INTS6: variants seen among roughly 807,000 people sequenced by gnomAD.
INTS6 encodes integrator complex subunit 6, also known as DEAD box protein.
A neutral mutation model predicts 104.9 loss-of-function variants in INTS6; 16 were observed. The ratio of observed to expected loss-of-function variants is 0.15; its 90% CI spans 0.10 to 0.23. INTS6 has a LOEUF of 0.23. INTS6 is among the 10% of genes least tolerant of loss of function. The probability of loss-of-function intolerance (pLI) is 1.00; values close to 1 mark genes in which losing one functional copy is unlikely to be tolerated. For synonymous variants in INTS6, 324 were observed against 358.7 expected (o/e 0.90, Z 1.09); for missense variants, 584 against 1,062.8 (o/e 0.55, Z 6.26).
chr13:51,369,147 A>T lies in INTS6; in HGVS notation c.2268T>A (p.Gly756=), dbSNP rs756059898. 6.2e-7 allele frequency: 1 copy of T among 1,613,844 alleles called. No individual in the cohort carries two copies. Among genetic ancestry groups the T allele is most frequent in the South Asian group, 1.1e-5 (1 of 91,074 alleles). The change falls in exon 16 of 18, where the codon GGT becomes GGA. Residue 756 remains glycine (G), a synonymous_variant. Transcript: ENST00000311234. ...GGTCATTGGTTCCTAAATGGTCATG[A>T]CCAAGAGCCTCCATATGATTGGTTG... ...ERPTNHMEAL[G]HDHLGTNDLT...
At chr13:51,423,982 A>G (rs565091748) in intron 4 of INTS6, among the ~76,000 whole-genome samples, 2 of 152,202 alleles carry the variant, frequency 1.3e-5, no homozygotes, top group South Asian at 4.1e-4. Context: ...AATTTCCAGA[A>G]TAAGAACAAA....
chr13:51,378,341 A>G lies in INTS6; in HGVS notation c.1500T>C (p.Asp500=). 6.2e-7 allele frequency: 1 copy of G among 1,613,498 alleles called. No individual in the cohort carries two copies. The highest frequency in any genetic ancestry group is 8.5e-7 in the Non-Finnish European group (1 of 1,179,510). The change falls in exon 12 of 18, where the codon GAT becomes GAC. Residue 500 remains aspartate (D), a synonymous_variant. Transcript: ENST00000311234. ...SHGLSMAYRK[D]FQQLLQGISE... ...AAATTCCCTGGAGGAGTTGTTGAAAATCTTTCCTATATGCCATTGATAAAC... is the reference window on the plus strand; with the variant it reads ...AAATTCCCTGGAGGAGTTGTTGAAAGTCTTTCCTATATGCCATTGATAAAC...
At position 51,363,749 on chromosome 13, in the gene INTS6, C is replaced by G. The variant is rs1490435990; in HGVS notation, c.*2003G>C. ...ACCTTTAGTTCTGATAGGTTTCAAA[C>G]CCTCCTGACCAGGTTTTAGGATGAG... is the stretch of plus-strand genomic sequence containing the variant. On this transcript the variant is annotated 3_prime_UTR_variant, in exon 18 of 18. Transcript: ENST00000311234. 6.6e-6 allele frequency: 1 copy of G among 151,750 alleles called. No homozygotes were observed. The highest frequency in any genetic ancestry group is 2.4e-5 in the African/African-American group (1 of 41,320). The allele number at this position is 151,750 out of a possible 1,614,324, so 9.4% of individuals were successfully genotyped here.
intron 4 of INTS6, among the ~76,000 whole-genome samples, chr13:51,415,714 G>A (rs1343834189): frequency 2.0e-5 from 3 of 152,056 alleles, no homozygotes; most frequent in African/African-American, 7.2e-5. Context: ...TGAAAATGGA[G>A]TAGTAGAGTA....
chr13:51,374,741 C>G lies in INTS6; in HGVS notation c.1785G>C (p.Lys595Asn). Residue 595 changes from lysine (K) to asparagine (N), a missense_variant, in exon 14 of 18, where the codon AAG (lysine) becomes AAC (asparagine). Lys to Asn is a moderately conservative substitution (Grantham distance 94, BLOSUM62 0). Around this residue, in one of 5 missense-constraint regions of INTS6, gnomAD observed 296 missense variants for 437.0 expected, o/e 0.68. Transcript: ENST00000311234. ...AQMGNYQEYL[K>N]QVPSPLRELD... ...GTTCTCTTAGTGGAGAAGGTACTTG[C>G]TTGAGGTATTCCTGGTAGTTCCCCA... The G allele has an allele frequency of 6.2e-7, 1 of 1,613,522 alleles. No homozygotes were observed. Among genetic ancestry groups the G allele is most frequent in the Non-Finnish European group, 8.5e-7 (1 of 1,179,906 alleles).
intron 7 of INTS6, chr13:51,384,618 C>T (rs1399722938): frequency 2.2e-6 from 1 of 456,602 alleles, no homozygotes; most frequent in South Asian, 1.5e-5. Flanking sequence ...TTTGTTTCTT[C>T]TCCCCCAAGC....
In INTS6 at chr13:51,452,876, TCCCCA is replaced by T; in HGVS notation, c.-356_-352del. ...TGTCCCAGCGGGAGACGGGCCTGGCTCCCCACCCCACCCCCGGTACAGGAGTGGGG... is the reference window on the plus strand; with the variant it reads ...TGTCCCAGCGGGAGACGGGCCTGGCTCCCCACCCCCGGTACAGGAGTGGGG... On this transcript the variant is annotated 5_prime_UTR_variant, in exon 1 of 18. Transcript: ENST00000311234. This position sits in a 1 kb window ranked among gnomAD's most constrained non-coding sequence, Gnocchi z 4.2. 8.9e-7 allele frequency: 1 copy of T among 1,128,726 alleles called. No individual in the cohort carries two copies. The highest frequency in any genetic ancestry group is 1.1e-6 in the Non-Finnish European group (1 of 916,570). The allele number at this position is 1,128,726 out of a possible 1,614,324, so 69.9% of individuals were successfully genotyped here. A position where few individuals can be genotyped will look rare whatever the true frequency, so the allele number is the denominator to read the frequency against.
At chr13:51,378,928 AG>A (rs572268414) in intron 11 of INTS6, among the ~76,000 whole-genome samples, 16 of 152,200 alleles carry the variant, frequency 1.1e-4, no homozygotes, top group African/African-American at 3.1e-4. Context: ...TTTGTAGTTA[AG>A]GTAGCAATGT....
chr13:51,348,654 A>G, the INTS6 span: 2 of 493,596 alleles, frequency 4.1e-6, no homozygotes, highest in Non-Finnish European at 7.2e-6. Context: ...TTTCCAAGAC[A>G]AGATATTCTG....
Position 51,364,510 on chromosome 13 carries a change from A to C in INTS6, c.*1242T>G. The C allele has an allele frequency of 2.3e-6, 1 of 427,448 alleles. No individual in the cohort carries two copies. The highest frequency in any genetic ancestry group is 4.2e-6 in the Non-Finnish European group (1 of 240,832). The allele number at this position is 427,448 out of a possible 1,614,324, so 26.5% of individuals were successfully genotyped here. ...CTTCTTTTCTACTGCTTACCCCCCA[A>C]ACCACTAAAAGGCACAGCAGTGATC... On this transcript the variant is annotated 3_prime_UTR_variant, in exon 18 of 18. Coordinates refer to ENST00000311234, the MANE Select transcript of INTS6 (RefSeq NM_012141.3).
the INTS6 span, chr13:51,347,304 C>T: frequency 7.6e-7 from 1 of 1,321,442 alleles, no homozygotes. Flanking sequence ...AGAGAGGAGG[C>T]CAGGTCCCTG....
At chr13:51,371,837 C>A (rs1955813615) in intron 15 of INTS6, among the ~76,000 whole-genome samples, 1 of 152,110 alleles carries the variant, frequency 6.6e-6, no homozygotes, top group South Asian at 2.1e-4. Context: ...GATTAAGGGA[C>A]TTCCTTTACC....
At chr13:51,383,799 T>C (rs1956092097) in intron 7 of INTS6, 58 bp from the exon 8 acceptor site, 3 of 1,399,018 alleles carry the variant, frequency 2.1e-6, no homozygotes, top group Non-Finnish European at 2.9e-6. Context: ...CAAAACTAAA[T>C]ATTCCTCATT....
the INTS6 span, among the ~76,000 whole-genome samples, chr13:51,334,583 A>G: frequency 7.2e-5 from 11 of 152,220 alleles, no homozygotes; most frequent in African/African-American, 2.7e-4. Context: ...TGAGGCGCTT[A>G]ATAAACTTAC....
the INTS6 span, chr13:51,347,332 T>C: frequency 9.5e-7 from 1 of 1,048,890 alleles, no homozygotes; most frequent in African/African-American, 1.6e-5. Flanking sequence ...GGGATCGGGA[T>C]GTGTTTCCGC....
Position 51,376,713 on chromosome 13 carries a change from G to A in INTS6, c.1603-539C>T, listed in dbSNP as rs116023834. 1.4e-3 allele frequency among the ~76,000 whole-genome samples: 211 copies of A among 152,188 alleles called. 1 individual carries two copies. Among genetic ancestry groups the A allele is most frequent in the African/African-American group, 4.8e-3 (200 of 41,536 alleles). ...CATTTTATAAATGGAATTTTGCAACGTCTAATCTTTTGTACTTGGCTTCTT... is the reference window on the plus strand; with the variant it reads ...CATTTTATAAATGGAATTTTGCAACATCTAATCTTTTGTACTTGGCTTCTT... On this transcript the variant is annotated intron_variant, in intron 12 of 17. Transcript: ENST00000311234.
chr13:51,430,234 C>T (rs1467214825), intron 4 of INTS6, 60 bp downstream of exon 4: 10 of 1,432,182 alleles, frequency 7.0e-6, no homozygotes, highest in Non-Finnish European at 9.8e-6. Context: ...CAGTATCCTA[C>T]AAAAATAAAG....
chr13:51,440,409 A>T (rs949448322), intron 3 of INTS6: 3 of 152,226 alleles, frequency 2.0e-5, no homozygotes, highest in Non-Finnish European at 4.4e-5. Flanking sequence ...AAGTTACAGT[A>T]AGCTAAGGTT....
chr13:51,362,857 A>G lies in INTS6; in HGVS notation c.*2895T>C, dbSNP rs1349199653. 1 of 152,446 alleles carries G rather than the reference A, an allele frequency of 6.6e-6. No individual in the cohort carries two copies. Among genetic ancestry groups the G allele is most frequent in the Non-Finnish European group, 1.5e-5 (1 of 67,912 alleles). The allele number at this position is 152,446 out of a possible 1,614,324, so 9.4% of individuals were successfully genotyped here. ...TTTTGTGACGAGAAAGATATAAACCATTCACTAGAAAATAATCTATTTGGG... is the reference window on the plus strand; with the variant it reads ...TTTTGTGACGAGAAAGATATAAACCGTTCACTAGAAAATAATCTATTTGGG... On this transcript the variant is annotated 3_prime_UTR_variant, in exon 18 of 18. Coordinates refer to ENST00000311234, the MANE Select transcript of INTS6 (RefSeq NM_012141.3).
Sources: allele counts gnomAD v4.1 joint callset (sites outside exome capture counted in the v4.1 genomes callset), GRCh38; gene constraint gnomAD v4.1.1; regional missense constraint gnomAD v4.1.1; non-coding constraint Gnocchi (gnomAD v3.1); transcripts MANE v1.5; gene names NCBI Gene and HGNC (gene_info 2026-07-23, HGNC 2026-07-21).